Variants in GLIS3 observed in about 807,000 individuals in gnomAD.
GLIS3 encodes the protein zinc finger protein GLIS3.
In GLIS3, 53 loss-of-function variants were observed where a neutral mutation model predicts 78.6. The ratio of observed to expected loss-of-function variants is 0.67; its 90% confidence interval spans 0.54 to 0.85. The LOEUF (loss-of-function observed/expected upper bound fraction) is 0.85, where lower values mean the gene tolerates loss of function less well. Ranked by LOEUF, GLIS3 falls within the 40% of genes least tolerant of loss-of-function variation. GLIS3 has a pLI of 0.00. For synonymous variants in GLIS3, 684 were observed against 509.9 expected, an observed-to-expected ratio of 1.34 and a Z score of -4.60; for missense variants, 1,703 against 1,231.1, an observed-to-expected ratio of 1.38 and a Z score of -5.74.
At chr9:4,067,840 T>A (rs538646271) in intron 4 of GLIS3, among the ~76,000 whole-genome samples, 3 of 151,822 alleles carry the variant, frequency 2.0e-5, no homozygotes, top group Non-Finnish European at 4.4e-5. Context: ...AAGAACAGAT[T>A]GATCCCAGAC....
At chr9:4,082,512 T>A (rs546450650) in intron 4 of GLIS3, among the ~76,000 whole-genome samples, 135 of 152,332 alleles carry the variant, frequency 8.9e-4, no homozygotes, top group African/African-American at 3.1e-3. Context: ...ACAACCTATC[T>A]TATGAGACTA....
At chr9:4,324,932 T>G (rs1817579793) in intron 2 of GLIS3, among the ~76,000 whole-genome samples, 1 of 152,246 alleles carries the variant, frequency 6.6e-6, no homozygotes, top group Non-Finnish European at 1.5e-5. Flanking sequence ...AAATAGCAGT[T>G]AACATTTACT....
chr9:4,095,691 T>C (rs935227274), intron 4 of GLIS3, among the ~76,000 whole-genome samples: 1 of 152,174 alleles, frequency 6.6e-6, no homozygotes, highest in Non-Finnish European at 1.5e-5. Context: ...ATTTGCTTCA[T>C]GTTTAATGAT....
At chr9:4,484,329 C>A in the GLIS3 span, among the ~76,000 whole-genome samples, 1 of 150,968 alleles carries the variant, frequency 6.6e-6, no homozygotes, top group Non-Finnish European at 1.5e-5. Flanking sequence ...CCTCTGCCTC[C>A]CAAGTTCAAG....
intron 9 of GLIS3, among the ~76,000 whole-genome samples, chr9:3,849,380 A>G (rs984667343): frequency 3.9e-5 from 6 of 152,144 alleles, no homozygotes; most frequent in Non-Finnish European, 5.9e-5. Context: ...TAAAATATCC[A>G]TCTTCCCTGA....
At chr9:4,462,782 T>C in the GLIS3 span, among the ~76,000 whole-genome samples, 6 of 151,990 alleles carry the variant, frequency 3.9e-5, no homozygotes, top group Non-Finnish European at 8.8e-5. Context: ...TGTGCTCCAA[T>C]CTGAGCAACA....
chr9:4,391,102 T>C, the GLIS3 span, among the ~76,000 whole-genome samples: 1 of 152,130 alleles, frequency 6.6e-6, no homozygotes, highest in Non-Finnish European at 1.5e-5. Context: ...GCTGCCAGGA[T>C]AGAAAGCCCT....
the GLIS3 span, among the ~76,000 whole-genome samples, chr9:4,392,238 C>T: frequency 2.2e-5 from 3 of 137,024 alleles, no homozygotes; most frequent in Non-Finnish European, 3.1e-5. Flanking sequence ...TAGGGCCTGT[C>T]GTGGGGCGGG....
At chr9:4,044,983 GC>G (rs1453195233) in intron 4 of GLIS3, among the ~76,000 whole-genome samples, 1 of 152,156 alleles carries the variant, frequency 6.6e-6, no homozygotes, top group Non-Finnish European at 1.5e-5. Flanking sequence ...GACTCAGAAA[GC>G]TGTTTGGTAG....
rs1336419185 is a variant in GLIS3 at position 3,965,226 on chromosome 9, G to A, written c.1711-28037C>T. Among the ~76,000 whole-genome samples the A allele has an allele frequency of 1.3e-4, 15 of 115,772 alleles. No homozygotes were observed. The East Asian group carries it at 1.8e-3, about 14-fold the overall frequency. The allele number at this position is 115,772 out of a possible 152,430, so 76.0% of individuals were successfully genotyped here. On this transcript the variant is annotated intron_variant, in intron 4 of 10. Coordinates refer to ENST00000381971, the MANE Select transcript of GLIS3 (RefSeq NM_001042413.2). ...TTTTTTTTTTTTGAGACAGAGTCTC[G>A]CTCAGTGCCCAGGCTGGAGTGCAGT...
chr9:4,034,555 T>C (rs541608948), intron 4 of GLIS3: 1 of 152,330 alleles, frequency 6.6e-6, no homozygotes, highest in South Asian at 2.1e-4. Flanking sequence ...TCGTGTTGGC[T>C]GTCCTCGGGG....
intron 6 of GLIS3, among the ~76,000 whole-genome samples, chr9:3,930,511 C>G (rs1163629625): frequency 2.6e-5 from 4 of 152,184 alleles, no homozygotes; most frequent in African/African-American, 9.6e-5. Flanking sequence ...TTCACACAAT[C>G]AAAACTACTC....
chr9:4,467,112 G>A, the GLIS3 span, among the ~76,000 whole-genome samples: 3 of 152,216 alleles, frequency 2.0e-5, no homozygotes, highest in Non-Finnish European at 4.4e-5. Flanking sequence ...TGACGCTTGA[G>A]CAGGTAAACA....
intron 2 of GLIS3, among the ~76,000 whole-genome samples, chr9:4,199,997 C>A (rs1819219117): frequency 6.6e-6 from 1 of 152,054 alleles, no homozygotes; most frequent in African/African-American, 2.4e-5. Context: ...AAATCAATAC[C>A]AAGAAGACCT....
chr9:4,415,433 C>G, the GLIS3 span, among the ~76,000 whole-genome samples: 1 of 152,296 alleles, frequency 6.6e-6, no homozygotes, highest in East Asian at 1.9e-4. Flanking sequence ...CATACTTTGC[C>G]TCAGCCTTTC....
chr9:4,037,583 C>CAG (rs945042685), intron 4 of GLIS3, among the ~76,000 whole-genome samples: 2 of 144,032 alleles, frequency 1.4e-5, no homozygotes, highest in African/African-American at 2.5e-5. Context: ...CACACACACA[C>CAG]AGAGACAATA....
At chr9:4,480,197 T>A in the GLIS3 span, among the ~76,000 whole-genome samples, 1 of 136,852 alleles carries the variant, frequency 7.3e-6, no homozygotes, top group Non-Finnish European at 1.5e-5. Context: ...CAGGCTGGGC[T>A]TTCTTTTTTT....
At chr9:4,133,870 A>ACC (rs1484877492) in intron 2 of GLIS3, among the ~76,000 whole-genome samples, 1 of 110,506 alleles carries the variant, frequency 9.0e-6, no homozygotes, top group African/African-American at 3.5e-5. Flanking sequence ...ACACACACAC[A>ACC]CACACCGTAC....
At chr9:4,056,482 G>C (rs1826163840) in intron 4 of GLIS3, among the ~76,000 whole-genome samples, 2 of 152,132 alleles carry the variant, frequency 1.3e-5, no homozygotes. Context: ...GAATACCTTT[G>C]GGAGAGGTAA....
Sources: gnomAD v4.1 joint callset for allele counts (sites outside exome capture counted in the v4.1 genomes callset) on GRCh38, gnomAD v4.1.1 for gene constraint, MANE v1.5 for transcripts, NCBI Gene and HGNC (gene_info 2026-07-23, HGNC 2026-07-21) for gene names.